The following XPO6 variants were observed in gnomAD, a reference collection of about 807,000 sequenced individuals.
XPO6 encodes exportin 6.
Under a neutral mutation model 130.0 loss-of-function variants are expected in XPO6, and 3 were observed. That is an observed-to-expected ratio of 0.02 (90% CI 0.01 to 0.06). The LOEUF is 0.06. Ranked by LOEUF, XPO6 falls within the 10% of genes least tolerant of loss-of-function variation. The pLI, the probability that XPO6 is intolerant of heterozygous loss-of-function variation, is 1.00. For missense variants in XPO6, 970 were observed against 1,393.0 expected (o/e 0.70, Z 4.83); for synonymous variants, 524 against 548.9 (o/e 0.95, Z 0.63).
intron 5 of XPO6, chr16:28,167,199 C>A (rs1364060135): frequency 1.0e-6 from 1 of 985,290 alleles, no homozygotes; most frequent in Non-Finnish European, 1.2e-6. Context: ...CTGCCTCACA[C>A]GATGGGGGCT....
chr16:28,118,640 AGGCACTGCACC>A (rs1395219104), intron 14 of XPO6, among the ~76,000 whole-genome samples: 3 of 152,326 alleles, frequency 2.0e-5, no homozygotes, highest in African/African-American at 7.2e-5. Context: ...TGCAGGTGTG[AGGCACTGCACC>A]GGCCTAGCCT....
At chr16:28,195,901 C>A (rs1031934323) in intron 1 of XPO6, among the ~76,000 whole-genome samples, 1 of 152,214 alleles carries the variant, frequency 6.6e-6, no homozygotes, top group East Asian at 1.9e-4. Context: ...GACACTGTCA[C>A]AAACATTCAT....
intron 21 of XPO6, among the ~76,000 whole-genome samples, 179 bp downstream of exon 21, chr16:28,104,367 C>A (rs1038526085): frequency 2.6e-5 from 4 of 152,208 alleles, no homozygotes; most frequent in Non-Finnish European, 5.9e-5. Context: ...GTGACCCAGG[C>A]AACATTAGCT....
chr16:28,147,820 G>A (rs1193442837), intron 8 of XPO6, among the ~76,000 whole-genome samples: 6 of 152,170 alleles, frequency 3.9e-5, no homozygotes, highest in African/African-American at 9.7e-5. Context: ...GGCGATGCAC[G>A]CCTGTGATCC....
At chr16:28,126,378 C>A (rs2087411204) in intron 12 of XPO6, among the ~76,000 whole-genome samples, 1 of 152,180 alleles carries the variant, frequency 6.6e-6, no homozygotes, top group South Asian at 2.1e-4. Flanking sequence ...CACTCCACCC[C>A]TGAAGGCTGG....
intron 4 of XPO6, among the ~76,000 whole-genome samples, chr16:28,174,120 G>T (rs563982179): frequency 6.6e-6 from 1 of 152,120 alleles, no homozygotes; most frequent in African/African-American, 2.4e-5. Context: ...TGGATTGAAG[G>T]CAAGTGTATT....
At chr16:28,178,181 G>A (rs1440594822) in intron 2 of XPO6, among the ~76,000 whole-genome samples, 1 of 152,190 alleles carries the variant, frequency 6.6e-6, no homozygotes, top group Non-Finnish European at 1.5e-5. Flanking sequence ...CTTTGGAAAA[G>A]CAGAACACAC....
chr16:28,160,046 G>A (rs531152827), intron 6 of XPO6, among the ~76,000 whole-genome samples: 2 of 151,570 alleles, frequency 1.3e-5, no homozygotes, highest in South Asian at 2.1e-4. Context: ...TTAGCTGGGC[G>A]TGGTGGTGCG....
In XPO6 at chr16:28,152,810, A is replaced by C. The variant is rs778753875; in HGVS notation, c.1098-25T>G. On this transcript the variant is annotated intron_variant, in intron 7 of 23. Coordinates refer to ENST00000304658, the MANE Select transcript of XPO6 (RefSeq NM_015171.4). ...GCTAAATGAGACAAGACAAAAGGTG[A>C]CAATAAGAAACCCAGCCACCTCCTT... 8 of 1,603,158 alleles carry C rather than the reference A, an allele frequency of 5.0e-6. No homozygotes were observed. The East Asian group carries it at 1.8e-4, about 36-fold the overall frequency.
intron 4 of XPO6, among the ~76,000 whole-genome samples, chr16:28,173,453 G>A (rs2043487287): frequency 6.6e-6 from 1 of 152,130 alleles, no homozygotes; most frequent in Non-Finnish European, 1.5e-5. Context: ...AAATCAAAGG[G>A]GACTTTAGGC....
chr16:28,161,313 G>A (rs1406345853), intron 6 of XPO6, among the ~76,000 whole-genome samples: 1 of 152,180 alleles, frequency 6.6e-6, no homozygotes, highest in African/African-American at 2.4e-5. Context: ...ACTTCCAGGG[G>A]TCCCCAGACT....
At chr16:28,109,072 C>T (rs1363370113) in intron 17 of XPO6, among the ~76,000 whole-genome samples, 4 of 152,126 alleles carry the variant, frequency 2.6e-5, no homozygotes, top group Non-Finnish European at 4.4e-5. Flanking sequence ...CTCAAGAACG[C>T]ACAGGCAACA....
intron 13 of XPO6, among the ~76,000 whole-genome samples, chr16:28,125,416 G>A (rs750193821): frequency 7.2e-5 from 11 of 152,164 alleles, no homozygotes; most frequent in African/African-American, 1.7e-4. Context: ...CTTATCAGGC[G>A]TTTTGTTATG....
rs376545987 is a variant in XPO6 at position 28,180,960 on chromosome 16, A to G, written c.75T>C (p.Asn25=). ...MTEFFHDCTT[N]ERKREIEELL... ...ACTTACCTATCTCACGTTTTCTTTCATTGGTTGTACAATCGTGAAAAAATT... is the reference window on the plus strand; with the variant it reads ...ACTTACCTATCTCACGTTTTCTTTCGTTGGTTGTACAATCGTGAAAAAATT... The change falls in exon 2 of 24, where the codon AAT becomes AAC. Residue 25 remains asparagine, a synonymous_variant. Transcript: ENST00000304658. 6.2e-7 allele frequency: 1 copy of G among 1,613,478 alleles called. No homozygotes were observed.
intron 11 of XPO6, 33 bp downstream of exon 11, chr16:28,133,808 C>T: frequency 6.2e-7 from 1 of 1,609,118 alleles, no homozygotes; most frequent in Non-Finnish European, 8.5e-7. Context: ...AGAGAAATCG[C>T]TACACTCTCC....
chr16:28,125,581 T>C, intron 13 of XPO6, 108 bp downstream of exon 13: 7 of 1,410,586 alleles, frequency 5.0e-6, no homozygotes, highest in Non-Finnish European at 6.7e-6. Context: ...AGCCTAGATT[T>C]ACCCGGGGCC....
intron 1 of XPO6, among the ~76,000 whole-genome samples, chr16:28,194,338 C>T (rs2043827115): frequency 6.6e-6 from 1 of 152,134 alleles, no homozygotes; most frequent in Non-Finnish European, 1.5e-5. Flanking sequence ...ATACAAATCA[C>T]CTCTCACTGC....
chr16:28,187,398 CAA>C (rs372432326), intron 1 of XPO6, among the ~76,000 whole-genome samples: 19 of 152,186 alleles, frequency 1.2e-4, no homozygotes, highest in African/African-American at 4.3e-4. Flanking sequence ...TTCAGAATGG[CAA>C]AAGTTTTAAA....
intron 1 of XPO6, among the ~76,000 whole-genome samples, chr16:28,205,932 G>T (rs2044021431): frequency 6.6e-6 from 1 of 151,320 alleles, no homozygotes; most frequent in South Asian, 2.1e-4. Context: ...CAGCTACTCG[G>T]GAGGCTGAGG....
Sources: gnomAD v4.1 joint callset for allele counts (sites outside exome capture counted in the v4.1 genomes callset) on GRCh38, gnomAD v4.1.1 for gene constraint, MANE v1.5 for transcripts, NCBI Gene and HGNC (gene_info 2026-07-23, HGNC 2026-07-21) for gene names.